Variants in MATR3 observed in about 807,000 individuals in gnomAD.
MATR3 encodes matrin-3.
A neutral mutation model predicts 85.5 loss-of-function variants in MATR3; 4 were observed. The observed-to-expected ratio is 0.05, with a 90% CI of 0.02 to 0.11. MATR3 has a LOEUF of 0.11. Among genes scored for constraint, MATR3 ranks in the 10% least tolerant of loss-of-function variants. The pLI is 1.00. For synonymous variants in MATR3, 336 were observed against 343.1 expected, an observed-to-expected ratio of 0.98 and a Z score of 0.23; for missense variants, 685 against 1,016.1, an observed-to-expected ratio of 0.67 and a Z score of 4.43.
At chr5:139,304,500 G>GAAAAA (rs781328136) in intron 1 of MATR3, among the ~76,000 whole-genome samples, 1 of 117,818 alleles carries the variant, frequency 8.5e-6, no homozygotes, top group African/African-American at 3.1e-5. Context: ...AACTCCATCT[G>GAAAAA]AAAAAAAAAA....
At chr5:139,274,316 G>A in intron 1 of MATR3, 1 of 348,360 alleles carries the variant, frequency 2.9e-6, no homozygotes, top group Non-Finnish European at 5.6e-6. Context: ...CTTGGGCCTC[G>A]GAGTCGTCCC....
intron 9 of MATR3, among the ~76,000 whole-genome samples, chr5:139,320,914 A>ATT (rs5871694): frequency 1.9e-4 from 22 of 118,238 alleles, no homozygotes; most frequent in East Asian, 4.7e-4. Flanking sequence ...CGCCTGGCTA[A>ATT]TTTTTTTTTT....
chr5:139,324,982 G>A (rs909070709), intron 12 of MATR3, among the ~76,000 whole-genome samples: 7 of 151,992 alleles, frequency 4.6e-5, no homozygotes, highest in Non-Finnish European at 7.4e-5. Flanking sequence ...ACGAGGTCAG[G>A]AGATCGAGAC....
At chr5:139,310,467 C>G (rs555313201) in intron 2 of MATR3, 2 of 152,152 alleles carry the variant, frequency 1.3e-5, no homozygotes, top group African/African-American at 4.8e-5. Context: ...TTGAAAAAAT[C>G]TTTACTCACT....
chr5:139,328,966 C>T (rs930956360), intron 14 of MATR3, among the ~76,000 whole-genome samples: 5 of 152,076 alleles, frequency 3.3e-5, no homozygotes, highest in South Asian at 4.1e-4. Context: ...GATCACGACA[C>T]TGCACTCCAG....
intron 3 of MATR3, among the ~76,000 whole-genome samples, chr5:139,287,576 G>A (rs1162462306): frequency 2.6e-5 from 4 of 151,892 alleles, no homozygotes; most frequent in Admixed American, 6.6e-5. Flanking sequence ...CCAAGATTGC[G>A]CCATTGCACA....
intron 14 of MATR3, among the ~76,000 whole-genome samples, chr5:139,328,756 C>G (rs1455552265): frequency 6.6e-6 from 1 of 152,120 alleles, no homozygotes; most frequent in African/African-American, 2.4e-5. Context: ...AATCCCAGCA[C>G]TTTGGGAGGC....
At position 139,315,657 on chromosome 5, in the gene MATR3, A is replaced by G. The variant is rs201855163; in HGVS notation, c.975-40A>G. On this transcript the variant is annotated intron_variant, in intron 3 of 14. Transcript: ENST00000394805. ...CAAACAAGGCTGTTTTGTGAAAAGG[A>G]CAGTTTTATTTTAAAGTTAATTTTC... The G allele has an allele frequency of 2.1e-4, 290 of 1,404,222 alleles. No homozygotes were observed. The African/African-American group carries it at 3.8e-3, about 18-fold the overall frequency. The allele number at this position is 1,404,222 out of a possible 1,614,324, so 87.0% of individuals were successfully genotyped here.
chr5:139,315,928 A>G, intron 4 of MATR3, 148 bp from the exon 5 acceptor site: 1 of 769,706 alleles, frequency 1.3e-6, no homozygotes, highest in Non-Finnish European at 2.2e-6. Flanking sequence ...TTTTATTGTT[A>G]ATGTAGACTT....
At chr5:139,305,965 A>G (rs539102868) in intron 1 of MATR3, among the ~76,000 whole-genome samples, 2 of 152,244 alleles carry the variant, frequency 1.3e-5, no homozygotes, top group South Asian at 4.1e-4. Context: ...ACTTGTAACT[A>G]CTGGATATTG....
rs567527230 is a variant in MATR3 at position 139,322,787 on chromosome 5, T to C, written c.1968T>C (p.Asp656=). The part of the protein sequence containing the change: ...QEPNMLLESE[D]ELLVDEEEAA... ...CTAATATGCTTCTTGAATCTGAAGA[T>C]GAGCTACTTGTAGATGAAGAAGAAG... The change falls in exon 12 of 15, where the codon GAT becomes GAC. Residue 656 remains aspartate, a synonymous_variant. Coordinates refer to ENST00000394805, the MANE Select transcript of MATR3 (RefSeq NM_018834.6). 1 of 1,614,194 alleles carries C rather than the reference T, an allele frequency of 6.2e-7. No individual in the cohort carries two copies.
At chr5:139,303,822 T>C (rs1387070238) in intron 1 of MATR3, among the ~76,000 whole-genome samples, 1 of 152,222 alleles carries the variant, frequency 6.6e-6, no homozygotes, top group African/African-American at 2.4e-5. Flanking sequence ...CTTGCGCTTA[T>C]TTTAGTAATT....
At chr5:139,305,052 T>C (rs558753048) in intron 1 of MATR3, among the ~76,000 whole-genome samples, 1 of 152,358 alleles carries the variant, frequency 6.6e-6, no homozygotes, top group South Asian at 2.1e-4. Flanking sequence ...TAACTTAAGT[T>C]GCTTTTCACT....
At chr5:139,319,600 C>T in intron 9 of MATR3, 99 bp downstream of exon 9, 1 of 1,154,284 alleles carries the variant, frequency 8.7e-7, no homozygotes, top group South Asian at 1.4e-5. Flanking sequence ...GTAATCCCAG[C>T]AGTTTGGGAG....
At chr5:139,313,631 G>A (rs1755106410) in intron 2 of MATR3, 2 of 152,064 alleles carry the variant, frequency 1.3e-5, no homozygotes, top group African/African-American at 2.4e-5. Context: ...TCAATTTAAA[G>A]TAAACCATAA....
At position 139,305,250 on chromosome 5, in the gene MATR3, A is replaced by T. The variant is rs1667029337; in HGVS notation, c.-177-1989A>T. Among the ~76,000 whole-genome samples the T allele has an allele frequency of 2.0e-5, 3 of 152,260 alleles. No individual in the cohort carries two copies. In the South Asian group the frequency reaches 6.2e-4, roughly 32 times the overall value. ...GTTATCCTTTACCTTTGCTTCTCTT[A>T]ACTTTTTCCTTTTGTTGATCCACTG... On this transcript the variant is annotated intron_variant, in intron 1 of 14. Transcript: ENST00000394805.
chr5:139,281,356 GTTT>G (rs1371325133), intron 3 of MATR3, among the ~76,000 whole-genome samples: 1 of 101,034 alleles, frequency 9.9e-6, no homozygotes. Context: ...TTTTTTTTTT[GTTT>G]TTTTTTTTTT....
intron 2 of MATR3, chr5:139,310,424 G>C (rs1340208370): frequency 6.6e-6 from 1 of 152,074 alleles, no homozygotes; most frequent in Non-Finnish European, 1.5e-5. Context: ...TTTTCTAGTT[G>C]CTTTACTATG....
At position 139,308,062 on chromosome 5, in the gene MATR3, G is replaced by A. The variant is rs759801664; in HGVS notation, c.647G>A (p.Arg216Lys). ...SRSQESGYYD[R>K]MDYEDDRLRD... ...TCTCAAGAATCTGGTTATTATGACA[G>A]AATGGATTATGAAGATGACAGATTA... Residue 216 changes from arginine to lysine, a missense_variant, in exon 2 of 15, where the codon AGA becomes AAA. By Grantham distance (26) the Arg-to-Lys change is conservative. This residue lies in a region of MATR3 where 223 missense variants were observed against 334.4 expected (regional missense o/e 0.67). Transcript: ENST00000394805. The A allele has an allele frequency of 1.2e-6, 2 of 1,614,162 alleles. No homozygotes were observed. Among genetic ancestry groups the A allele is most frequent in the South Asian group, 2.2e-5 (2 of 91,066 alleles).
Sources: gnomAD v4.1 joint callset for allele counts (sites outside exome capture counted in the v4.1 genomes callset) on GRCh38, gnomAD v4.1.1 for gene constraint, gnomAD v4.1.1 regional missense constraint, MANE v1.5 for transcripts, NCBI Gene and HGNC (gene_info 2026-07-23, HGNC 2026-07-21) for gene names.